Variants in LINGO2 observed in about 807,000 individuals in gnomAD.
LINGO2 encodes leucine rich repeat and Ig domain containing 2.
LINGO2 carries 14 observed loss-of-function variants against 30.6 expected under a neutral mutation model. The ratio of observed to expected loss-of-function variants is 0.46; its 90% CI spans 0.30 to 0.72. LINGO2 has a LOEUF of 0.72. LINGO2 is among the 30% of genes least tolerant of loss of function. LINGO2 has a pLI of 0.07. For synonymous variants in LINGO2, 317 were observed against 288.5 expected (o/e 1.10, Z -1.00); for missense variants, 729 against 751.7 (o/e 0.97, Z 0.35).
At chr9:28,594,703 A>G (rs1333210173) in intron 1 of LINGO2, among the ~76,000 whole-genome samples, 1 of 152,112 alleles carries the variant, frequency 6.6e-6, no homozygotes, top group Non-Finnish European at 1.5e-5. Flanking sequence ...TAGAAGAGAG[A>G]TCGCAATATG....
intron 4 of LINGO2, among the ~76,000 whole-genome samples, chr9:28,064,803 GC>G (rs1825263745): frequency 1.3e-5 from 2 of 152,002 alleles, no homozygotes; most frequent in Non-Finnish European, 2.9e-5. Flanking sequence ...CAAACCTGGT[GC>G]CTTTGCCAAC....
At chr9:28,731,022 C>T in the LINGO2 span, among the ~76,000 whole-genome samples, 1 of 151,544 alleles carries the variant, frequency 6.6e-6, no homozygotes, top group East Asian at 1.9e-4. Flanking sequence ...CAGAGTTTCA[C>T]TCTTATTGCC....
At chr9:29,123,660 A>C in the LINGO2 span, among the ~76,000 whole-genome samples, 2 of 152,114 alleles carry the variant, frequency 1.3e-5, no homozygotes, top group African/African-American at 4.8e-5. Flanking sequence ...AGAAGAATGT[A>C]AAACAAATTT....
chr9:28,953,490 A>T, the LINGO2 span, among the ~76,000 whole-genome samples: 3 of 152,136 alleles, frequency 2.0e-5, no homozygotes, highest in South Asian at 2.1e-4. Flanking sequence ...CCCATAAAAC[A>T]GTAACATAAA....
chr9:28,563,283 A>G (rs929362687), intron 1 of LINGO2, among the ~76,000 whole-genome samples: 6 of 152,130 alleles, frequency 3.9e-5, no homozygotes, highest in African/African-American at 1.2e-4. Context: ...CTACTTTTTT[A>G]TACTATCTCC....
intron 1 of LINGO2, among the ~76,000 whole-genome samples, chr9:28,506,478 ACATACACATAC>A: frequency 1.9e-5 from 1 of 52,942 alleles, no homozygotes; most frequent in African/African-American, 5.4e-5. Flanking sequence ...ACACACACAC[ACATACACATAC>A]ACACACACAC....
chr9:28,792,892 C>A, the LINGO2 span, among the ~76,000 whole-genome samples: 8 of 152,244 alleles, frequency 5.3e-5, no homozygotes, highest in Non-Finnish European at 1.2e-4. Flanking sequence ...ATGCTGGAAA[C>A]TCATACTTAC....
the LINGO2 span, among the ~76,000 whole-genome samples, chr9:29,181,697 A>G: frequency 6.6e-6 from 1 of 152,224 alleles, no homozygotes; most frequent in Non-Finnish European, 1.5e-5. Flanking sequence ...CTTAACAAAG[A>G]AATCAAACAA....
the LINGO2 span, among the ~76,000 whole-genome samples, chr9:29,035,987 G>A: frequency 3.9e-5 from 6 of 152,002 alleles, no homozygotes; most frequent in Admixed American, 2.6e-4. Flanking sequence ...AACAATTTGG[G>A]AAGCAAGATT....
chr9:29,146,973 T>C, the LINGO2 span, among the ~76,000 whole-genome samples: 1 of 152,160 alleles, frequency 6.6e-6, no homozygotes. Context: ...ATCAACACAA[T>C]AATTAGATTT....
chr9:28,740,152 G>A, the LINGO2 span, among the ~76,000 whole-genome samples: 2 of 150,720 alleles, frequency 1.3e-5, no homozygotes, highest in East Asian at 3.9e-4. Context: ...GAATTTCTTA[G>A]GTAAAATGTT....
At chr9:28,295,421 T>G (rs948413250) in intron 3 of LINGO2, 55 bp from the exon 6 acceptor site, 1 of 152,574 alleles carries the variant, frequency 6.6e-6, no homozygotes, top group African/African-American at 2.4e-5. Context: ...AACCGTGTCC[T>G]AGGTCCAGGA....
the LINGO2 span, among the ~76,000 whole-genome samples, chr9:28,865,463 A>G: frequency 6.6e-6 from 1 of 152,084 alleles, no homozygotes; most frequent in Non-Finnish European, 1.5e-5. Context: ...GGTGGAATAC[A>G]TTTAGAGTTT....
At chr9:28,434,574 C>T (rs1823842156) in intron 2 of LINGO2, among the ~76,000 whole-genome samples, 1 of 150,794 alleles carries the variant, frequency 6.6e-6, no homozygotes, top group Non-Finnish European at 1.5e-5. Flanking sequence ...TGAGAAATGA[C>T]ATTTTTATCC....
chr9:29,062,622 T>C, the LINGO2 span, among the ~76,000 whole-genome samples: 1 of 152,114 alleles, frequency 6.6e-6, no homozygotes, highest in East Asian at 1.9e-4. Flanking sequence ...TTACATGAGA[T>C]GCCTAGAGTA....
At chr9:29,134,680 C>T in the LINGO2 span, among the ~76,000 whole-genome samples, 1 of 151,998 alleles carries the variant, frequency 6.6e-6, no homozygotes, top group African/African-American at 2.4e-5. Context: ...TATAATAATC[C>T]ATTATTCATA....
the LINGO2 span, among the ~76,000 whole-genome samples, chr9:29,179,307 C>T: frequency 1.3e-5 from 2 of 150,974 alleles, no homozygotes; most frequent in East Asian, 3.9e-4. Flanking sequence ...CCCAGGGAGG[C>T]TTGTTTCCCC....
chr9:28,987,462 T>A, the LINGO2 span, among the ~76,000 whole-genome samples: 3 of 152,146 alleles, frequency 2.0e-5, no homozygotes, highest in East Asian at 3.9e-4. Context: ...AATAAAAGCA[T>A]GTTAATTTGA....
chr9:28,781,486 T>C, the LINGO2 span, among the ~76,000 whole-genome samples: 1 of 152,278 alleles, frequency 6.6e-6, no homozygotes, highest in African/African-American at 2.4e-5. Flanking sequence ...AACAAAATCA[T>C]TAATTTTCCA....
Sources: allele counts gnomAD v4.1 joint callset (sites outside exome capture counted in the v4.1 genomes callset), GRCh38; gene constraint gnomAD v4.1.1; transcripts MANE v1.5; gene names NCBI Gene and HGNC (gene_info 2026-07-23, HGNC 2026-07-21).